The following DRD5 variants were observed in gnomAD, a reference collection of about 807,000 sequenced individuals.
DRD5 encodes the protein dopamine receptor D5, also known as D(1B) dopamine receptor.
For missense variants in DRD5, 758 were observed against 657.8 expected (o/e 1.15, Z -1.67); for synonymous variants, 327 against 277.1 (o/e 1.18, Z -1.79).
In DRD5 at chr4:9,783,116, G is replaced by A; in HGVS notation, c.1087G>A (p.Ala363Thr). The A allele has an allele frequency of 6.2e-7, 1 of 1,614,210 alleles. No homozygotes were observed. Among genetic ancestry groups the A allele is most frequent in the Non-Finnish European group, 8.5e-7 (1 of 1,180,048 alleles). The change falls in exon 1 of 1, where the codon GCC becomes ACC. Residue 363 changes from alanine (A) to threonine (T), a missense_variant. By Grantham distance (58) the Ala-to-Thr change is moderately conservative (BLOSUM62 0). Transcript: ENST00000304374. ...SLNPVIYAFN[A>T]DFQKVFAQLL... is the part of the protein sequence containing the mutation. ...CAACCCCGTCATCTATGCCTTCAAC[G>A]CCGACTTTCAGAAGGTGTTTGCCCA...
In DRD5 at chr4:9,782,431, C is replaced by T. The variant is rs1167570418; in HGVS notation, c.402C>T (p.Ile134=). Residue 134 remains isoleucine (I), a synonymous_variant, in exon 1 of 1, where the codon ATC becomes ATT. Transcript: ENST00000304374. ...STASILNLCV[I]SVDRYWAISR... ...CCTCCATCCTGAACCTGTGCGTCATCAGCGTGGACCGCTACTGGGCCATCT... is the reference window on the plus strand; with the variant it reads ...CCTCCATCCTGAACCTGTGCGTCATTAGCGTGGACCGCTACTGGGCCATCT... 9 of 1,614,016 alleles carry T rather than the reference C, an allele frequency of 5.6e-6. No individual in the cohort carries two copies. The Admixed American group carries it at 6.7e-5, about 12-fold the overall frequency.
Position 9,783,035 on chromosome 4 carries a change from G to T in DRD5, c.1006G>T (p.Val336Phe). Residue 336 changes from valine (V) to phenylalanine (F), a missense_variant, in exon 1 of 1, where the codon GTC becomes TTC. By Grantham distance (50) the Val-to-Phe change is conservative. Coordinates refer to ENST00000304374, the MANE Select transcript of DRD5 (RefSeq NM_000798.5). ...PEGPPAGFPCVSETTFDVFVW... is the reference protein window; with the variant it reads ...PEGPPAGFPCFSETTFDVFVW... ...AGGCCCTCCGGCCGGCTTCCCCTGC[G>T]TCAGTGAGACCACCTTCGACGTCTT... 6.2e-7 allele frequency: 1 copy of T among 1,614,220 alleles called. No individual in the cohort carries two copies. The highest frequency in any genetic ancestry group is 8.5e-7 in the Non-Finnish European group (1 of 1,180,046).
At position 9,782,203 on chromosome 4, in the gene DRD5, C is replaced by A. The variant is rs764915017; in HGVS notation, c.174C>A (p.Asn58Lys). 1.2e-6 allele frequency: 2 copies of A among 1,610,194 alleles called. No homozygotes were observed. The highest frequency in any genetic ancestry group is 1.7e-5 in the Admixed American group (1 of 59,838). The change falls in exon 1 of 1, where the codon AAC becomes AAA. Residue 58 changes from asparagine (N) to lysine (K), a missense_variant. Transcript: ENST00000304374. ...TCATCATCTGGACCCTGCTGGGCAA[C>A]GTGCTGGTGTGCGCAGCCATCGTGC... ...TLLIIWTLLG[N>K]VLVCAAIVRS...
chr4:9,782,361 C>A lies in DRD5; in HGVS notation c.332C>A (p.Ala111Glu), dbSNP rs201570391. 3 of 1,614,012 alleles carry A rather than the reference C, an allele frequency of 1.9e-6. No individual in the cohort carries two copies. Among genetic ancestry groups the A allele is most frequent in the East Asian group, 2.2e-5 (1 of 44,882 alleles). ...GTGGCCGGTTACTGGCCCTTTGGAG[C>A]GTTCTGCGACGTCTGGGTGGCCTTC... ...AEVAGYWPFG[A>E]FCDVWVAFDI... Residue 111 changes from alanine (A) to glutamate (E), a missense_variant, in exon 1 of 1, where the codon GCG becomes GAG. Coordinates refer to ENST00000304374, the MANE Select transcript of DRD5 (RefSeq NM_000798.5).
At position 9,783,305 on chromosome 4, in the gene DRD5, G is replaced by C. The variant is rs1187122781; in HGVS notation, c.1276G>C (p.Asp426His). ...CGTTACCCCCGGCAACCGGGAGGTG[G>C]ACAACGACGAGGAGGAGGGTCCTTT... ...NAVTPGNREVDNDEEEGPFDR... is the reference protein window; with the variant it reads ...NAVTPGNREVHNDEEEGPFDR... Residue 426 changes from aspartate (D) to histidine (H), a missense_variant, in exon 1 of 1, where the codon GAC (aspartate) becomes CAC (histidine). Physicochemically the swap from Asp to His is moderately conservative, Grantham distance 81 (BLOSUM62 -1). Coordinates refer to ENST00000304374, the MANE Select transcript of DRD5 (RefSeq NM_000798.5). The C allele has an allele frequency of 6.2e-7, 1 of 1,614,220 alleles. No homozygotes were observed.
At position 9,783,266 on chromosome 4, in the gene DRD5, A is replaced by C. The variant is rs770297239; in HGVS notation, c.1237A>C (p.Met413Leu). The stretch of plus-strand genomic sequence containing the variant: ...GGAAATCGCAGCTGCCTACATCCAC[A>C]TGATGCCCAACGCCGTTACCCCCGG... ...HKEIAAAYIHMMPNAVTPGNR... is the reference protein window; with the variant it reads ...HKEIAAAYIHLMPNAVTPGNR... Residue 413 changes from methionine (M) to leucine (L), a missense_variant, in exon 1 of 1, where the codon ATG becomes CTG. Transcript: ENST00000304374. The C allele has an allele frequency of 1.9e-6, 3 of 1,614,138 alleles. No homozygotes were observed.
chr4:9,783,071 G>C lies in DRD5; in HGVS notation c.1042G>C (p.Gly348Arg), dbSNP rs755998605. ...CACCTTCGACGTCTTCGTCTGGTTC[G>C]GCTGGGCTAACTCCTCACTCAACCC... is the stretch of plus-strand genomic sequence containing the variant. ...ETTFDVFVWF[G>R]WANSSLNPVI... The change falls in exon 1 of 1, where the codon GGC becomes CGC. Residue 348 changes from glycine (G) to arginine (R), a missense_variant. Coordinates refer to ENST00000304374, the MANE Select transcript of DRD5 (RefSeq NM_000798.5). 2 of 1,614,176 alleles carry C rather than the reference G, an allele frequency of 1.2e-6. No homozygotes were observed. Among genetic ancestry groups the C allele is most frequent in the South Asian group, 1.1e-5 (1 of 91,084 alleles).
In DRD5 at chr4:9,782,052, G is replaced by A; in HGVS notation, c.23G>A (p.Gly8Asp). MLPPGSN[G>D]TAYPGQFALY... is the part of the protein sequence containing the mutation. The stretch of plus-strand genomic sequence containing the variant: ...GAAATGCTGCCGCCAGGCAGCAACG[G>A]CACCGCGTACCCGGGGCAGTTCGCT... Residue 8 changes from glycine to aspartate, a missense_variant, in exon 1 of 1, where the codon GGC (glycine) becomes GAC (aspartate). By Grantham distance (94) the Gly-to-Asp change is moderately conservative. Coordinates refer to ENST00000304374, the MANE Select transcript of DRD5 (RefSeq NM_000798.5). 1.3e-6 allele frequency: 2 copies of A among 1,481,872 alleles called. No homozygotes were observed. Among genetic ancestry groups the A allele is most frequent in the Non-Finnish European group, 1.8e-6 (2 of 1,120,736 alleles). 91.8% of individuals were successfully genotyped at this position (1,481,872 alleles called of 1,614,324 possible).
chr4:9,783,456 TC>T lies in DRD5; in HGVS notation c.1429del (p.His477IlefsTer5), dbSNP rs775427531. 14 of 1,601,710 alleles carry T rather than the reference TC, an allele frequency of 8.7e-6. No homozygotes were observed. The highest frequency in any genetic ancestry group is 1.7e-4 in the Middle Eastern group (1 of 6,008). On this transcript the variant is annotated frameshift_variant, in exon 1 of 1. Coordinates refer to ENST00000304374, the MANE Select transcript of DRD5 (RefSeq NM_000798.5). LOFTEE classifies it high-confidence loss of function. ...DKITPFTPNG[F>X]H The stretch of plus-strand genomic sequence containing the variant: ...ATAACACCTTTCACCCCGAATGGAT[TC>T]CATTAAACTGCATTAAGAAACCCCC...
Position 9,782,021 on chromosome 4 carries a change from C to G in DRD5, c.-9C>G. On this transcript the variant is annotated 5_prime_UTR_variant, in exon 1 of 1. Coordinates refer to ENST00000304374, the MANE Select transcript of DRD5 (RefSeq NM_000798.5). The stretch of plus-strand genomic sequence containing the variant: ...CCGCGCACAGACCGCCCCTGCAGTC[C>G]AGCCCGAAATGCTGCCGCCAGGCAG... 2 of 1,455,616 alleles carry G rather than the reference C, an allele frequency of 1.4e-6. No individual in the cohort carries two copies. Among genetic ancestry groups the G allele is most frequent in the Non-Finnish European group, 1.8e-6 (2 of 1,108,858 alleles). The allele number at this position is 1,455,616 out of a possible 1,614,324, so 90.2% of individuals were successfully genotyped here.
chr4:9,782,081 T>G lies in DRD5; in HGVS notation c.52T>G (p.Tyr18Asp), dbSNP rs371107353. The change falls in exon 1 of 1, where the codon TAC becomes GAC. Residue 18 changes from tyrosine to aspartate, a missense_variant. Tyr to Asp is a radical substitution (Grantham distance 160). Transcript: ENST00000304374. ...GTAYPGQFAL[Y>D]QQLAQGNAVG... ...CGCGTACCCGGGGCAGTTCGCTCTATACCAGCAGCTGGCGCAGGGGAACGC... is the reference window on the plus strand; with the variant it reads ...CGCGTACCCGGGGCAGTTCGCTCTAGACCAGCAGCTGGCGCAGGGGAACGC... 1.8e-5 allele frequency: 27 copies of G among 1,521,480 alleles called. No individual in the cohort carries two copies. The African/African-American group carries it at 3.5e-4, about 19-fold the overall frequency. 94.2% of individuals were successfully genotyped at this position (1,521,480 alleles called of 1,614,324 possible).
chr4:9,782,000 G>T lies in DRD5; in HGVS notation c.-30G>T. On this transcript the variant is annotated 5_prime_UTR_variant, in exon 1 of 1. Transcript: ENST00000304374. ...GTCGCAGGGCTGAAGTTGGGACCGCGCACAGACCGCCCCTGCAGTCCAGCC... is the reference window on the plus strand; with the variant it reads ...GTCGCAGGGCTGAAGTTGGGACCGCTCACAGACCGCCCCTGCAGTCCAGCC... The T allele has an allele frequency of 7.0e-7, 1 of 1,426,484 alleles. No homozygotes were observed. The highest frequency in any genetic ancestry group is 2.9e-5 in the Admixed American group (1 of 34,864). 88.4% of individuals were successfully genotyped at this position (1,426,484 alleles called of 1,614,324 possible). A position where few individuals can be genotyped will look rare whatever the true frequency, so the allele number is the denominator to read the frequency against.
rs757926678 is a variant in DRD5 at position 9,783,012 on chromosome 4, G to C, written c.983G>C (p.Gly328Ala). The C allele has an allele frequency of 1.2e-6, 2 of 1,614,172 alleles. No homozygotes were observed. Among genetic ancestry groups the C allele is most frequent in the East Asian group, 2.2e-5 (1 of 44,854 alleles). The change falls in exon 1 of 1, where the codon GGC becomes GCC. Residue 328 changes from glycine to alanine, a missense_variant. Physicochemically the swap from Gly to Ala is moderately conservative, Grantham distance 60. Coordinates refer to ENST00000304374, the MANE Select transcript of DRD5 (RefSeq NM_000798.5). ...MVPFCSGHPE[G>A]PPAGFPCVSE... Reference sequence around the variant, plus strand: ...CCTTTCTGCAGTGGACACCCCGAAGGCCCTCCGGCCGGCTTCCCCTGCGTC... The same window carrying C: ...CCTTTCTGCAGTGGACACCCCGAAGCCCCTCCGGCCGGCTTCCCCTGCGTC...
Position 9,783,607 on chromosome 4 carries a change from C to T in DRD5, c.*144C>T, listed in dbSNP as rs1418503191. 1.5e-5 allele frequency: 12 copies of T among 778,396 alleles called. No homozygotes were observed. The highest frequency in any genetic ancestry group is 2.0e-5 in the Non-Finnish European group (10 of 490,922). The allele number at this position is 778,396 out of a possible 1,614,324, so 48.2% of individuals were successfully genotyped here. On this transcript the variant is annotated 3_prime_UTR_variant, in exon 1 of 1. Coordinates refer to ENST00000304374, the MANE Select transcript of DRD5 (RefSeq NM_000798.5). The stretch of plus-strand genomic sequence containing the variant: ...GTAGCTCGTGTGCTTAGAAACCTCA[C>T]CCCATTGATTGGTAGTTCGAAGAAT...
Position 9,783,022 on chromosome 4 carries a change from C to G in DRD5, c.993C>G (p.Ala331=). The change falls in exon 1 of 1, where the codon GCC becomes GCG. Residue 331 remains alanine, a synonymous_variant. Transcript: ENST00000304374. Reference sequence around the variant, plus strand: ...GTGGACACCCCGAAGGCCCTCCGGCCGGCTTCCCCTGCGTCAGTGAGACCA... The same window carrying G: ...GTGGACACCCCGAAGGCCCTCCGGCGGGCTTCCCCTGCGTCAGTGAGACCA... ...FCSGHPEGPP[A]GFPCVSETTF... 6 of 1,614,226 alleles carry G rather than the reference C, an allele frequency of 3.7e-6. No homozygotes were observed. The highest frequency in any genetic ancestry group is 5.1e-6 in the Non-Finnish European group (6 of 1,180,046).
chr4:9,781,797 C>G lies in DRD5; in HGVS notation c.-233C>G, dbSNP rs554715522. On this transcript the variant is annotated 5_prime_UTR_variant, in exon 1 of 1. Coordinates refer to ENST00000304374, the MANE Select transcript of DRD5 (RefSeq NM_000798.5). The stretch of plus-strand genomic sequence containing the variant: ...AGCGAGCACCAGCCGCTTCCTGTCC[C>G]CATCGCGGAGACTGGAGGGGCGCAC... 2.3e-6 allele frequency: 1 copy of G among 428,360 alleles called. No homozygotes were observed. Among genetic ancestry groups the G allele is most frequent in the South Asian group, 8.9e-5 (1 of 11,226 alleles). The allele number at this position is 428,360 out of a possible 1,614,324, so 26.5% of individuals were successfully genotyped here. A position where few individuals can be genotyped will look rare whatever the true frequency, so the allele number is the denominator to read the frequency against.
rs1407435036 is a variant in DRD5 at position 9,782,913 on chromosome 4, T to G, written c.884T>G (p.Leu295Arg). Residue 295 changes from leucine to arginine, a missense_variant, in exon 1 of 1, where the codon CTC becomes CGC. By Grantham distance (102) the Leu-to-Arg change is moderately radical (BLOSUM62 -2). Transcript: ENST00000304374. ...TCCATCAAGAAGGAGACCAAGGTTC[T>G]CAAGACCCTGTCGGTGATCATGGGG... Reference protein sequence around the residue: ...RASIKKETKVLKTLSVIMGVF... With the variant: ...RASIKKETKVRKTLSVIMGVF... The G allele has an allele frequency of 6.2e-7, 1 of 1,614,008 alleles. No individual in the cohort carries two copies. Among genetic ancestry groups the G allele is most frequent in the African/African-American group, 1.3e-5 (1 of 75,068 alleles).
In DRD5 at chr4:9,782,462, C is replaced by A; in HGVS notation, c.433C>A (p.Pro145Thr). Residue 145 changes from proline (P) to threonine (T), a missense_variant, in exon 1 of 1, where the codon CCC becomes ACC. Physicochemically the swap from Pro to Thr is conservative, Grantham distance 38. Coordinates refer to ENST00000304374, the MANE Select transcript of DRD5 (RefSeq NM_000798.5). The stretch of plus-strand genomic sequence containing the variant: ...GGACCGCTACTGGGCCATCTCCAGG[C>A]CCTTCCGCTACAAGCGCAAGATGAC... ...SVDRYWAISR[P>T]FRYKRKMTQR... 1.2e-6 allele frequency: 2 copies of A among 1,613,988 alleles called. No homozygotes were observed. The highest frequency in any genetic ancestry group is 2.2e-5 in the South Asian group (2 of 91,080).
In DRD5 at chr4:9,782,218, A is replaced by G. The variant is rs750875411; in HGVS notation, c.189A>G (p.Ala63=). The part of the protein sequence containing the change: ...WTLLGNVLVC[A]AIVRSRHLRA... ...TGCTGGGCAACGTGCTGGTGTGCGCAGCCATCGTGCGGAGCCGCCACCTGC... is the reference window on the plus strand; with the variant it reads ...TGCTGGGCAACGTGCTGGTGTGCGCGGCCATCGTGCGGAGCCGCCACCTGC... The change falls in exon 1 of 1, where the codon GCA becomes GCG. Residue 63 remains alanine, a synonymous_variant. Coordinates refer to ENST00000304374, the MANE Select transcript of DRD5 (RefSeq NM_000798.5). 1.2e-6 allele frequency: 2 copies of G among 1,612,602 alleles called. No individual in the cohort carries two copies. Among genetic ancestry groups the G allele is most frequent in the Non-Finnish European group, 1.7e-6 (2 of 1,179,522 alleles).
Sources: gnomAD v4.1 joint callset for allele counts on GRCh38, gnomAD v4.1.1 for gene constraint, MANE v1.5 for transcripts, NCBI Gene and HGNC (gene_info 2026-07-23, HGNC 2026-07-21) for gene names.